WDFY3: variants seen among roughly 807,000 people sequenced by gnomAD.
WDFY3 encodes WD repeat and FYVE domain-containing protein 3.
A neutral mutation model predicts 409.6 loss-of-function variants in WDFY3; 66 were observed. The ratio of observed to expected loss-of-function variants is 0.16; its 90% CI spans 0.13 to 0.20. The LOEUF (loss-of-function observed/expected upper bound fraction) is 0.20. Ranked by LOEUF, WDFY3 falls within the 10% of genes least tolerant of loss-of-function variation. The probability of loss-of-function intolerance (pLI) is 1.00; values close to 1 mark genes in which losing one functional copy is unlikely to be tolerated. For missense variants in WDFY3, 3,031 were observed against 4,298.1 expected (o/e 0.71, Z 8.24); for synonymous variants, 1,521 against 1,537.1 (o/e 0.99, Z 0.25).
intron 3 of WDFY3, among the ~76,000 whole-genome samples, chr4:84,866,651 AG>A (rs1761441035): frequency 6.6e-6 from 1 of 152,226 alleles, no homozygotes; most frequent in African/African-American, 2.4e-5. Flanking sequence ...GGACCTCAAA[AG>A]GAACACTTAA....
At chr4:84,915,251 G>A (rs115119629) in intron 2 of WDFY3, among the ~76,000 whole-genome samples, 3 of 152,256 alleles carry the variant, frequency 2.0e-5, no homozygotes, top group Non-Finnish European at 4.4e-5. Context: ...AATAGATAGT[G>A]GTGATGGTTA....
intron 15 of WDFY3, among the ~76,000 whole-genome samples, chr4:84,806,041 C>T (rs928766227): frequency 1.3e-5 from 2 of 152,130 alleles, no homozygotes; most frequent in South Asian, 2.1e-4. Flanking sequence ...AACCTCAAAA[C>T]GTCCTTAGCA....
chr4:84,905,610 C>G (rs1221962313), intron 2 of WDFY3, among the ~76,000 whole-genome samples: 2 of 152,182 alleles, frequency 1.3e-5, no homozygotes, highest in Non-Finnish European at 2.9e-5. Context: ...TGCTTTCTCT[C>G]CTTTGCAGAC....
rs984991819 is a variant in WDFY3, at chr4:84,736,035, A to G, written c.6915+135T>C. 81 of 924,156 alleles carry G rather than the reference A, an allele frequency of 8.8e-5. No individual in the cohort carries two copies. The African/African-American group carries it at 1.0e-3, about 12-fold the overall frequency. The allele number at this position is 924,156 out of a possible 1,614,324, so 57.2% of individuals were successfully genotyped here. On this transcript the variant is annotated intron_variant, in intron 42 of 67. Coordinates refer to ENST00000295888, the MANE Select transcript of WDFY3 (RefSeq NM_014991.6). Reference sequence around the variant, plus strand: ...TCATAAGAAAATGAGAGAAATTCCCATAGTCTGGATTACTTCTATCTCTAT... The same window carrying G: ...TCATAAGAAAATGAGAGAAATTCCCGTAGTCTGGATTACTTCTATCTCTAT...
chr4:84,830,812 G>C (rs1381522796), intron 8 of WDFY3, among the ~76,000 whole-genome samples: 1 of 152,166 alleles, frequency 6.6e-6, no homozygotes, highest in East Asian at 1.9e-4. Context: ...TAAAAGAAGA[G>C]AGAAGAATAG....
chr4:84,793,666 A>G (rs1261478253), intron 21 of WDFY3, among the ~76,000 whole-genome samples: 1 of 152,232 alleles, frequency 6.6e-6, no homozygotes, highest in African/African-American at 2.4e-5. Flanking sequence ...AGGACGAATT[A>G]GTCAACAGGA....
chr4:84,718,392 T>C, intron 48 of WDFY3, 30 bp downstream of exon 48: 2 of 1,589,612 alleles, frequency 1.3e-6, no homozygotes, highest in Non-Finnish European at 8.6e-7. Context: ...AAGATAGCCA[T>C]ACATTATGTC....
At chr4:84,900,267 C>T (rs1766175540) in intron 2 of WDFY3, among the ~76,000 whole-genome samples, 1 of 152,064 alleles carries the variant, frequency 6.6e-6, no homozygotes, top group Non-Finnish European at 1.5e-5. Context: ...GCTCAATCTC[C>T]CAGGCTGGAG....
intron 4 of WDFY3, among the ~76,000 whole-genome samples, chr4:84,853,306 G>A (rs191018620): frequency 0.014 from 2,089 of 152,134 alleles, 34 homozygotes; most frequent in African/African-American, 0.046. Context: ...GAGTAGCTGG[G>A]ATTACAGGCA....
chr4:84,801,589 T>C, intron 17 of WDFY3, 61 bp downstream of exon 17: 1 of 1,517,034 alleles, frequency 6.6e-7, no homozygotes, highest in Non-Finnish European at 8.9e-7. Flanking sequence ...TCTGGAATCA[T>C]AAGGACTCTA....
chr4:84,928,902 G>A (rs149354510), intron 2 of WDFY3, among the ~76,000 whole-genome samples: 2 of 152,126 alleles, frequency 1.3e-5, no homozygotes, highest in Admixed American at 6.5e-5. Context: ...ATACATACTA[G>A]TACAGCCTCA....
chr4:84,683,496 C>T (rs1727755901), intron 63 of WDFY3, among the ~76,000 whole-genome samples: 1 of 152,196 alleles, frequency 6.6e-6, no homozygotes, highest in South Asian at 2.1e-4. Context: ...TAAACTACAT[C>T]TAGGCTTCAG....
intron 61 of WDFY3, among the ~76,000 whole-genome samples, chr4:84,688,559 CA>C (rs1417496258): frequency 6.6e-6 from 1 of 152,146 alleles, no homozygotes; most frequent in African/African-American, 2.4e-5. Flanking sequence ...GAGGGAATGA[CA>C]ACCACAACCC....
At chr4:84,742,038 A>T in intron 37 of WDFY3, 117 bp from the exon 38 acceptor site, 1 of 916,300 alleles carries the variant, frequency 1.1e-6, no homozygotes, top group South Asian at 2.4e-5. Context: ...AGGTAGCAAT[A>T]TGACTACTAG....
chr4:84,861,519 G>A (rs1760630139), intron 3 of WDFY3, among the ~76,000 whole-genome samples: 1 of 152,116 alleles, frequency 6.6e-6, no homozygotes, highest in Non-Finnish European at 1.5e-5. Flanking sequence ...AAAGGACAGT[G>A]AAAATGATCA....
At chr4:84,754,617 G>C (rs1741115824) in intron 34 of WDFY3, among the ~76,000 whole-genome samples, 1 of 152,124 alleles carries the variant, frequency 6.6e-6, no homozygotes, top group Admixed American at 6.5e-5. Context: ...ATTATTCACA[G>C]TATTCCTGTC....
intron 64 of WDFY3, among the ~76,000 whole-genome samples, chr4:84,679,599 A>G (rs2148754984): frequency 6.6e-6 from 1 of 152,090 alleles, no homozygotes; most frequent in East Asian, 1.9e-4. Context: ...TCCAAAGGTG[A>G]GCTTCTTCAC....
intron 24 of WDFY3, among the ~76,000 whole-genome samples, chr4:84,784,926 A>C (rs1035160397): frequency 7.0e-6 from 1 of 143,440 alleles, no homozygotes; most frequent in Non-Finnish European, 1.5e-5. Context: ...ACACATACAC[A>C]CCTTGAATCT....
intron 32 of WDFY3, among the ~76,000 whole-genome samples, chr4:84,763,408 A>C (rs1201150827): frequency 7.6e-6 from 1 of 131,268 alleles, no homozygotes; most frequent in East Asian, 2.5e-4. Context: ...GAGGGAGAGA[A>C]TTAGGACAAA....
Sources: gnomAD v4.1 joint callset for allele counts (sites outside exome capture counted in the v4.1 genomes callset) on GRCh38, gnomAD v4.1.1 for gene constraint, MANE v1.5 for transcripts, NCBI Gene and HGNC (gene_info 2026-07-23, HGNC 2026-07-21) for gene names.